The following PPEF1 variants were observed in gnomAD, a reference collection of about 807,000 sequenced individuals.
The protein encoded by PPEF1 is protein phosphatase with EF-hand domain 1.
In PPEF1, 12 loss-of-function variants were observed where a neutral mutation model predicts 53.3. The observed-to-expected ratio is 0.23, with a 90% confidence interval of 0.14 to 0.36. PPEF1 has a LOEUF of 0.36. Ranked by LOEUF, PPEF1 falls within the 10% of genes least tolerant of loss-of-function variation. The pLI is 1.00. For synonymous variants in PPEF1, 165 were observed against 176.7 expected (o/e 0.93, Z 0.52); for missense variants, 334 against 490.4 (o/e 0.68, Z 3.01).
At chrX:18,689,439 G>A (rs1357751717) in intron 3 of PPEF1, among the ~76,000 whole-genome samples, 7 of 105,510 alleles carry the variant, frequency 6.6e-5, no homozygotes, top group Non-Finnish European at 9.9e-5. Context: ...CTATGATCGC[G>A]CCACTGCACT....
At chrX:18,714,661 T>G (rs1388895152) in intron 1 of PPEF1, among the ~76,000 whole-genome samples, 1 of 112,441 alleles carries the variant, frequency 8.9e-6, no homozygotes, top group Non-Finnish European at 1.9e-5. Flanking sequence ...CTGTCACCCA[T>G]TACACCATTT....
intron 7 of PPEF1, 47 bp downstream of exon 7, chrX:18,779,223 G>A (rs1407604210): frequency 1.9e-6 from 2 of 1,073,564 alleles, no homozygotes; most frequent in Non-Finnish European, 1.3e-6. Flanking sequence ...TCGCACTCTG[G>A]AAAATGCTGC....
At position 18,740,608 on chromosome X, in the gene PPEF1, A is replaced by G. The variant is rs376573069; in HGVS notation, c.235+6800A>G. On this transcript the variant is annotated intron_variant, in intron 3 of 15. Transcript: ENST00000470157. Reference sequence around the variant, plus strand: ...GTATTTTTAGTAGAGACAGGGTTTGAGAATGTTGACCAGGTTGGTCTTGAA... The same window carrying G: ...GTATTTTTAGTAGAGACAGGGTTTGGGAATGTTGACCAGGTTGGTCTTGAA... 3.5e-4 allele frequency among the ~76,000 whole-genome samples: 38 copies of G among 109,946 alleles called. No homozygotes were observed. In the East Asian group the frequency reaches 0.011, roughly 31 times the overall value.
upstream of PPEF1, among the ~76,000 whole-genome samples, chrX:18,706,133 G>A (rs1220573106): frequency 3.8e-5 from 4 of 104,949 alleles, no homozygotes; most frequent in African/African-American, 1.4e-4. Flanking sequence ...GGGTGTCACG[G>A]CACATGCTTG....
chrX:18,825,750 G>A lies in PPEF1; in HGVS notation c.1666-1G>A. On this transcript the variant is annotated splice_acceptor_variant, in intron 14 of 15. Transcript: ENST00000470157. LOFTEE classifies it high-confidence loss of function. ...TAACACTTAGAAAATCTTTATTTTA[G>A]GCTCATTCTACTCTAGTTGAAACTC... is the stretch of plus-strand genomic sequence containing the variant. 8.5e-7 allele frequency: 1 copy of A among 1,173,392 alleles called. No homozygotes were observed.
intron 9 of PPEF1, among the ~76,000 whole-genome samples, chrX:18,786,780 C>CAAAAAAAAAAAAAAAAA (rs761641178): frequency 1.7e-5 from 1 of 58,833 alleles, no homozygotes. Context: ...AACACTATCT[C>CAAAAAAAAAAAAAAAAA]AAAAAAAAAA....
At chrX:18,712,671 C>T (rs748973359) in intron 1 of PPEF1, among the ~76,000 whole-genome samples, 5 of 111,898 alleles carry the variant, frequency 4.5e-5, no homozygotes, top group Non-Finnish European at 9.4e-5. Flanking sequence ...GCAAGAGTAG[C>T]CATCCTTGTC....
At chrX:18,745,494 A>G (rs1211299017) in intron 3 of PPEF1, among the ~76,000 whole-genome samples, 1 of 109,373 alleles carries the variant, frequency 9.1e-6, no homozygotes, top group Non-Finnish European at 1.9e-5. Flanking sequence ...TCTCCTATCA[A>G]TTCTGGGAGT....
At chrX:18,690,027 T>A (rs1366335084) in intron 3 of PPEF1, among the ~76,000 whole-genome samples, 2 of 110,954 alleles carry the variant, frequency 1.8e-5, no homozygotes, top group East Asian at 5.7e-4. Context: ...CTCACTCTCA[T>A]AAAATGAATA....
At chrX:18,795,048 G>A (rs917451150) in intron 10 of PPEF1, among the ~76,000 whole-genome samples, 35 of 112,078 alleles carry the variant, frequency 3.1e-4, no homozygotes, top group African/African-American at 7.4e-4. Context: ...GGTGGCTCAC[G>A]CCTGTAATCC....
intron 5 of PPEF1, 113 bp from the exon 6 acceptor site, chrX:18,761,417 A>AT (rs777512298): frequency 1.7e-4 from 110 of 648,573 alleles, no homozygotes; most frequent in Non-Finnish European, 2.5e-4. Flanking sequence ...TCGTCATAGG[A>AT]TAAAAACCCA....
chrX:18,826,654 G>A (rs1309764739), intron 15 of PPEF1, among the ~76,000 whole-genome samples: 1 of 108,871 alleles, frequency 9.2e-6, no homozygotes, highest in Admixed American at 9.9e-5. Context: ...TCGAACTCCC[G>A]ACCTCAGATG....
At chrX:18,771,814 T>C (rs1039810361) in intron 6 of PPEF1, among the ~76,000 whole-genome samples, 2 of 111,733 alleles carry the variant, frequency 1.8e-5, no homozygotes, top group Non-Finnish European at 3.8e-5. Context: ...GAAAAAAATA[T>C]ATTATTAAGA....
chrX:18,716,188 T>C (rs1213148580), intron 1 of PPEF1, among the ~76,000 whole-genome samples: 1 of 112,047 alleles, frequency 8.9e-6, no homozygotes, highest in Non-Finnish European at 1.9e-5. Context: ...AATAGCAAAC[T>C]AAATATTTCT....
chrX:18,755,505 T>C (rs1247436831), intron 4 of PPEF1, among the ~76,000 whole-genome samples: 1 of 112,057 alleles, frequency 8.9e-6, no homozygotes, highest in Non-Finnish European at 1.9e-5. Flanking sequence ...AGGCAGAGGT[T>C]ACAGTGAGCC....
chrX:18,718,144 T>C (rs748038165), intron 1 of PPEF1, among the ~76,000 whole-genome samples: 2 of 112,199 alleles, frequency 1.8e-5, no homozygotes, highest in Non-Finnish European at 3.8e-5. Flanking sequence ...ACCTTTTTAT[T>C]CTTTACACCA....
chrX:18,779,120 C>T lies in PPEF1; in HGVS notation c.669C>T (p.Tyr223=), dbSNP rs764819095. 3.3e-6 allele frequency: 4 copies of T among 1,208,406 alleles called. No individual in the cohort carries two copies. The highest frequency in any genetic ancestry group is 3.0e-5 in the East Asian group (1 of 33,817). Residue 223 remains tyrosine, a synonymous_variant, in exon 7 of 16, where the codon TAC becomes TAT. Transcript: ENST00000470157. ...TCCTGTGTGTGAGTTTTCTTGTCTACCCCAATGACCTGCACTTGAACAGAG... is the reference window on the plus strand; with the variant it reads ...TCCTGTGTGTGAGTTTTCTTGTCTATCCCAATGACCTGCACTTGAACAGAG... The part of the protein sequence containing the change: ...LMILCVSFLV[Y]PNDLHLNRGN...
intron 13 of PPEF1, among the ~76,000 whole-genome samples, chrX:18,820,585 C>T (rs752094395): frequency 1.5e-4 from 17 of 110,785 alleles, no homozygotes; most frequent in African/African-American, 5.6e-4. Context: ...TGGGGTTTCA[C>T]TGTGTTAGCC....
In PPEF1 at chrX:18,765,231, G is replaced by A. The variant is rs1433176113; in HGVS notation, c.558+3655G>A. 7.2e-5 allele frequency among the ~76,000 whole-genome samples: 8 copies of A among 111,449 alleles called. No individual in the cohort carries two copies. The Admixed American group carries it at 7.7e-4, about 11-fold the overall frequency. On this transcript the variant is annotated intron_variant, in intron 6 of 15. Transcript: ENST00000470157. ...GCCATGGATTAGAATTCTGGCAGGC[G>A]TGAGTGAGAAGAAGGTAAAATGCAT... is the stretch of plus-strand genomic sequence containing the variant.
Sources: allele counts gnomAD v4.1 joint callset (sites outside exome capture counted in the v4.1 genomes callset), GRCh38; gene constraint gnomAD v4.1.1; transcripts MANE v1.5; gene names NCBI Gene and HGNC (gene_info 2026-07-23, HGNC 2026-07-21).